The following TAFA2 variants were observed in gnomAD, a reference collection of about 807,000 sequenced individuals.
The protein encoded by TAFA2 is TAFA chemokine like family member 2, also known as chemokine-like protein TAFA-2.
Under a neutral mutation model 18.8 loss-of-function variants are expected in TAFA2, and 7 were observed. That is an observed-to-expected ratio of 0.37 (90% confidence interval 0.21 to 0.70). The LOEUF (loss-of-function observed/expected upper bound fraction) is 0.70. Ranked by LOEUF, TAFA2 falls within the 30% of genes least tolerant of loss-of-function variation. The pLI is 0.53. For synonymous variants in TAFA2, 60 were observed against 54.2 expected, an observed-to-expected ratio of 1.11 and a Z score of -0.47; for missense variants, 122 against 158.1, an observed-to-expected ratio of 0.77 and a Z score of 1.23.
chr12:61,785,164 AT>A (rs1870676096), intron 2 of TAFA2, among the ~76,000 whole-genome samples: 1 of 151,420 alleles, frequency 6.6e-6, no homozygotes, highest in Non-Finnish European at 1.5e-5. Flanking sequence ...TGTTACTTCT[AT>A]AAGATCAACT....
chr12:61,805,518 T>G (rs1178639448), intron 2 of TAFA2, among the ~76,000 whole-genome samples: 1 of 152,282 alleles, frequency 6.6e-6, no homozygotes, highest in East Asian at 1.9e-4. Flanking sequence ...AAAAGATTCA[T>G]TGTCCATTGC....
intron 2 of TAFA2, among the ~76,000 whole-genome samples, chr12:61,823,541 C>T (rs1156504793): frequency 6.6e-6 from 1 of 152,150 alleles, no homozygotes; most frequent in Non-Finnish European, 1.5e-5. Context: ...CTCGGCATTG[C>T]TGTTTGCAAA....
intron 2 of TAFA2, among the ~76,000 whole-genome samples, chr12:61,797,484 C>G (rs1871234738): frequency 6.6e-6 from 1 of 152,034 alleles, no homozygotes; most frequent in African/African-American, 2.4e-5. Context: ...GGATTTATAG[C>G]TGCTGAGTGA....
chr12:61,767,869 T>A (rs1869857504), intron 2 of TAFA2, among the ~76,000 whole-genome samples: 1 of 152,126 alleles, frequency 6.6e-6, no homozygotes, highest in Non-Finnish European at 1.5e-5. Context: ...AATTTTACAC[T>A]GTCATCTCAA....
chr12:62,110,889 T>C (rs1458269126), intron 1 of TAFA2, among the ~76,000 whole-genome samples: 2 of 152,118 alleles, frequency 1.3e-5, no homozygotes, highest in East Asian at 3.9e-4. Flanking sequence ...CTTTCCTTCT[T>C]TATTAGTCTG....
At chr12:61,715,644 G>A (rs12308106) in intron 4 of TAFA2, among the ~76,000 whole-genome samples, 4,572 of 151,584 alleles carry the variant, frequency 0.03, 234 homozygotes, top group African/African-American at 0.11. Flanking sequence ...GAGCCACCGC[G>A]CCCAGCCAAT....
chr12:61,872,055 G>T (rs12302070), intron 1 of TAFA2, among the ~76,000 whole-genome samples: 4 of 130,066 alleles, frequency 3.1e-5, no homozygotes, highest in Admixed American at 8.3e-5. Flanking sequence ...CTGCGCCACC[G>T]CACTCCATTT....
At chr12:62,104,930 G>T (rs1869379812) in intron 1 of TAFA2, 3 of 231,098 alleles carry the variant, frequency 1.3e-5, no homozygotes, top group South Asian at 8.5e-5. Context: ...CCAAGTCCTT[G>T]AGGGGGTAAA....
chr12:61,719,376 C>T (rs1002988476), intron 4 of TAFA2, among the ~76,000 whole-genome samples: 1 of 152,200 alleles, frequency 6.6e-6, no homozygotes, highest in Non-Finnish European at 1.5e-5. Flanking sequence ...CAGATAACAT[C>T]ACTGTTGTAG....
At chr12:61,894,693 T>C (rs1875767372) in intron 1 of TAFA2, among the ~76,000 whole-genome samples, 1 of 152,206 alleles carries the variant, frequency 6.6e-6, no homozygotes, top group African/African-American at 2.4e-5. Context: ...GTAAACAGAA[T>C]TCCCTGGTTT....
intron 1 of TAFA2, among the ~76,000 whole-genome samples, chr12:62,028,796 GAA>G (rs966014796): frequency 1.1e-4 from 17 of 152,166 alleles, no homozygotes; most frequent in Admixed American, 6.6e-4. Context: ...TTATTAGTCA[GAA>G]AAAGAGACAT....
intron 1 of TAFA2, among the ~76,000 whole-genome samples, chr12:62,130,649 C>A (rs1039937587): frequency 2.6e-5 from 4 of 151,936 alleles, no homozygotes; most frequent in African/African-American, 4.8e-5. Flanking sequence ...GTGCTAGGGA[C>A]ATTCACAGCG....
intron 1 of TAFA2, among the ~76,000 whole-genome samples, chr12:61,943,657 G>A (rs904754859): frequency 3.3e-5 from 5 of 152,148 alleles, no homozygotes; most frequent in Admixed American, 6.5e-5. Context: ...TGCAATCCGA[G>A]TCTCTGATAA....
chr12:61,868,782 T>C (rs1356419128), intron 1 of TAFA2, among the ~76,000 whole-genome samples: 1 of 152,170 alleles, frequency 6.6e-6, no homozygotes. Flanking sequence ...TTCAAATGTT[T>C]AGATGGCAAT....
intron 1 of TAFA2, among the ~76,000 whole-genome samples, chr12:62,202,723 T>C (rs1206447990): frequency 2.0e-5 from 3 of 152,062 alleles, no homozygotes; most frequent in African/African-American, 4.8e-5. Context: ...TTTGTTCTGA[T>C]TGGTTTCTAA....
At chr12:62,063,074 T>A (rs975603058) in intron 1 of TAFA2, among the ~76,000 whole-genome samples, 1 of 152,052 alleles carries the variant, frequency 6.6e-6, no homozygotes, top group Non-Finnish European at 1.5e-5. Flanking sequence ...ATACCCCTAC[T>A]CTTGATCACA....
chr12:62,189,402 C>T (rs901102246), intron 1 of TAFA2, among the ~76,000 whole-genome samples: 9 of 152,066 alleles, frequency 5.9e-5, no homozygotes, highest in African/African-American at 2.2e-4. Context: ...CTTTAAGTGG[C>T]TACTGGTGGC....
At chr12:62,147,757 C>T (rs1262103410) in intron 1 of TAFA2, among the ~76,000 whole-genome samples, 1 of 144,466 alleles carries the variant, frequency 6.9e-6, no homozygotes, top group Non-Finnish European at 1.5e-5. Context: ...AAAAAGAAAC[C>T]ATTAACAGAA....
intron 1 of TAFA2, among the ~76,000 whole-genome samples, chr12:61,908,143 A>C (rs10877766): frequency 0.27 from 41,557 of 151,924 alleles, 6,131 homozygotes; most frequent in East Asian, 0.44. Context: ...ATTGGTTTTG[A>C]AATGTGAGGA....
Sources: gnomAD v4.1 joint callset for allele counts (sites outside exome capture counted in the v4.1 genomes callset) on GRCh38, gnomAD v4.1.1 for gene constraint, MANE v1.5 for transcripts, NCBI Gene and HGNC (gene_info 2026-07-23, HGNC 2026-07-21) for gene names.